The following IMMP2L variants were observed in gnomAD, a reference collection of about 807,000 sequenced individuals.
IMMP2L encodes inner mitochondrial membrane peptidase subunit 2, also known as mitochondrial inner membrane protease subunit 2.
A neutral mutation model predicts 19.3 loss-of-function variants in IMMP2L; 18 were observed. That is an observed-to-expected ratio of 0.93 (90% CI 0.64 to 1.38). The LOEUF (loss-of-function observed/expected upper bound fraction) is 1.38, where lower values mean the gene tolerates loss of function less well. Ranked by LOEUF, IMMP2L falls within the 40% of genes most tolerant of loss-of-function variation. The pLI, the probability that IMMP2L is intolerant of heterozygous loss-of-function variation, is 0.00. For synonymous variants in IMMP2L, 76 were observed against 73.0 expected (o/e 1.04, Z -0.21); for missense variants, 233 against 218.2 (o/e 1.07, Z -0.43).
intron 3 of IMMP2L, among the ~76,000 whole-genome samples, chr7:111,040,885 A>C (rs1791830032): frequency 6.6e-6 from 1 of 151,802 alleles, no homozygotes. Flanking sequence ...ATGATAAATC[A>C]AGTTTTAGTT....
chr7:111,432,113 T>C lies in IMMP2L; in HGVS notation c.239+55125A>G, dbSNP rs542678083. 4.6e-5 allele frequency among the ~76,000 whole-genome samples: 7 copies of C among 151,690 alleles called. No homozygotes were observed. The South Asian group carries it at 1.5e-3, about 32-fold the overall frequency. ...CTGGTAGAGGAGGAATAGGGAAAGGTGCAGTCTTGGGAACTATGCCCTAAA... is the reference window on the plus strand; with the variant it reads ...CTGGTAGAGGAGGAATAGGGAAAGGCGCAGTCTTGGGAACTATGCCCTAAA... On this transcript the variant is annotated intron_variant, in intron 3 of 5. Transcript: ENST00000405709.
In IMMP2L at chr7:111,452,035, C is replaced by CG. The variant is rs370309114; in HGVS notation, c.239+35202_239+35203insC. Among the ~76,000 whole-genome samples, 594 of 152,186 alleles carry CG rather than the reference C, an allele frequency of 3.9e-3. 7 individuals carry two copies. Among genetic ancestry groups the CG allele is most frequent in the African/African-American group, 0.014 (570 of 41,524 alleles). ...AGGTATCTCCCTTCCTACTGTCCTT[C>CG]AGTGTAGTATCTATTGGAGACATTA... On this transcript the variant is annotated intron_variant, in intron 3 of 5. Transcript: ENST00000405709.
intron 3 of IMMP2L, among the ~76,000 whole-genome samples, chr7:111,314,075 A>C (rs2130345339): frequency 6.6e-6 from 1 of 152,192 alleles, no homozygotes; most frequent in East Asian, 1.9e-4. Flanking sequence ...GCCTCCCTAG[A>C]AGCAGATGCT....
intron 3 of IMMP2L, among the ~76,000 whole-genome samples, chr7:111,426,976 A>G (rs1488245675): frequency 6.6e-6 from 1 of 151,200 alleles, no homozygotes; most frequent in Non-Finnish European, 1.5e-5. Flanking sequence ...ATCTTATTTT[A>G]TGAGTATAGT....
chr7:111,470,710 T>A (rs1318719686), intron 3 of IMMP2L, among the ~76,000 whole-genome samples: 9 of 100,428 alleles, frequency 9.0e-5, no homozygotes, highest in Admixed American at 4.3e-4. Context: ...AACATCACAC[T>A]CTGGGGACTG....
intron 3 of IMMP2L, among the ~76,000 whole-genome samples, chr7:111,120,497 TG>T (rs1800464847): frequency 1.3e-5 from 2 of 152,062 alleles, no homozygotes; most frequent in Admixed American, 1.3e-4. Context: ...CCACAACACA[TG>T]GGAATTATCG....
In IMMP2L at chr7:111,521,320, G is replaced by T; in HGVS notation, c.128C>A (p.Ser43Ter). 1 of 1,611,322 alleles carries T rather than the reference G, an allele frequency of 6.2e-7. No homozygotes were observed. The highest frequency in any genetic ancestry group is 1.7e-4 in the Middle Eastern group (1 of 6,032). The change falls in exon 2 of 6, where the codon TCG (serine) becomes TAG (stop). Residue 43 changes from serine (S) to a stop codon, truncating the protein, a stop_gained. Coordinates refer to ENST00000405709, the MANE Select transcript of IMMP2L (RefSeq NM_032549.4). LOFTEE classifies it high-confidence loss of function. ...VACVARVEGASMQPSLNPGGS... is the reference protein window; with the variant it reads ...VACVARVEGA ...AAGTTATATCATTTTCACCTGCATC[G>T]ATGCTCCTTCTACTCTTGCCACACA...
chr7:110,740,738 A>T (rs745607696), intron 5 of IMMP2L, among the ~76,000 whole-genome samples: 11 of 152,056 alleles, frequency 7.2e-5, no homozygotes, highest in Non-Finnish European at 1.2e-4. Context: ...AATGGCCATA[A>T]TTTTAAAAAT....
intron 3 of IMMP2L, among the ~76,000 whole-genome samples, chr7:111,195,267 T>A (rs574208715): frequency 9.9e-5 from 15 of 152,250 alleles, no homozygotes; most frequent in Non-Finnish European, 2.2e-4. Context: ...TAAATCCCAT[T>A]AATATTTTTG....
At chr7:111,030,072 C>T (rs2129568572) in intron 3 of IMMP2L, among the ~76,000 whole-genome samples, 1 of 152,296 alleles carries the variant, frequency 6.6e-6, no homozygotes, top group Middle Eastern at 3.4e-3. Flanking sequence ...GTAGCTCATT[C>T]CAGCTCATTA....
chr7:111,161,165 C>G (rs1805219665), intron 3 of IMMP2L, among the ~76,000 whole-genome samples: 1 of 151,768 alleles, frequency 6.6e-6, no homozygotes, highest in Non-Finnish European at 1.5e-5. Flanking sequence ...ATATCCAAAG[C>G]ATTTCAATCT....
intron 3 of IMMP2L, among the ~76,000 whole-genome samples, chr7:111,361,071 A>G (rs1829215312): frequency 6.6e-6 from 1 of 152,114 alleles, no homozygotes; most frequent in Non-Finnish European, 1.5e-5. Context: ...TTAATGAACC[A>G]TAAATAAACT....
chr7:111,407,220 A>G (rs766160739), intron 3 of IMMP2L, among the ~76,000 whole-genome samples: 1 of 152,086 alleles, frequency 6.6e-6, no homozygotes, highest in Non-Finnish European at 1.5e-5. Context: ...GTAACATGGT[A>G]CACACAGCAG....
At position 111,041,643 on chromosome 7, in the gene IMMP2L, G is replaced by A. The variant is rs182970053; in HGVS notation, c.240-78078C>T. 6.0e-3 allele frequency among the ~76,000 whole-genome samples: 901 copies of A among 151,174 alleles called. 5 individuals carry two copies. The highest frequency in any genetic ancestry group is 9.0e-3 in the Non-Finnish European group (614 of 67,884). ...CACTTAAGTGTTACTAGATCCCGGG[G>A]CCCTATCCTTGAGAATCTCCTTTCC... On this transcript the variant is annotated intron_variant, in intron 3 of 5. Transcript: ENST00000405709.
At chr7:111,450,132 T>G (rs948266508) in intron 3 of IMMP2L, among the ~76,000 whole-genome samples, 31 of 151,974 alleles carry the variant, frequency 2.0e-4, no homozygotes, top group Non-Finnish European at 4.6e-4. Context: ...ATGGCCATAC[T>G]GCCCAAGGTA....
chr7:111,080,501 T>C (rs954487189), intron 3 of IMMP2L, among the ~76,000 whole-genome samples: 2 of 44,982 alleles, frequency 4.4e-5, no homozygotes, highest in South Asian at 1.2e-3. Context: ...TATGTGTGTA[T>C]AATATATAAT....
chr7:110,942,858 C>G (rs1461711256), intron 4 of IMMP2L, among the ~76,000 whole-genome samples: 1 of 151,934 alleles, frequency 6.6e-6, no homozygotes, highest in Non-Finnish European at 1.5e-5. Flanking sequence ...AGATATCCAG[C>G]ACCCAAGTAA....
chr7:110,783,621 G>C (rs533410002), intron 5 of IMMP2L, among the ~76,000 whole-genome samples: 125 of 151,826 alleles, frequency 8.2e-4, no homozygotes, highest in Admixed American at 2.2e-3. Flanking sequence ...TTTAAGTAAA[G>C]GGTTTTCACA....
chr7:111,039,668 A>G (rs115858886), intron 3 of IMMP2L, among the ~76,000 whole-genome samples: 4 of 152,318 alleles, frequency 2.6e-5, no homozygotes, highest in African/African-American at 9.6e-5. Context: ...AAACCATCAC[A>G]ACAAAAACCG....
Sources: allele counts gnomAD v4.1 joint callset (sites outside exome capture counted in the v4.1 genomes callset), GRCh38; gene constraint gnomAD v4.1.1; transcripts MANE v1.5; gene names NCBI Gene and HGNC (gene_info 2026-07-23, HGNC 2026-07-21).